Variants in MLLT10 observed in about 807,000 individuals in gnomAD.
MLLT10 encodes MLLT10 histone lysine methyltransferase DOT1L cofactor.
A neutral mutation model predicts 129.1 loss-of-function variants in MLLT10; 30 were observed. The ratio of observed to expected loss-of-function variants is 0.23; its 90% CI spans 0.17 to 0.32. The LOEUF is 0.32. Among genes scored for constraint, MLLT10 ranks in the 10% least tolerant of loss-of-function variants. The pLI, the probability that MLLT10 is intolerant of heterozygous loss-of-function variation, is 1.00. For missense variants in MLLT10, 1,119 were observed against 1,268.3 expected (o/e 0.88, Z 1.79); for synonymous variants, 490 against 446.4 (o/e 1.10, Z -1.23).
intron 8 of MLLT10, chr10:21,625,504 C>T (rs2046344657): frequency 4.2e-6 from 4 of 962,594 alleles, no homozygotes; most frequent in Non-Finnish European, 6.8e-6. Flanking sequence ...AACTACATTT[C>T]CCCATACTTT....
rs2045061377 is a variant in MLLT10 at position 21,614,774 on chromosome 10, A to G, written c.510-57A>G. The stretch of plus-strand genomic sequence containing the variant: ...TTGGAAGTAAATTTTATTTGCTTAT[A>G]TATACAGGTACTGTGATTTTAGTAT... On this transcript the variant is annotated intron_variant, in intron 6 of 22. Coordinates refer to ENST00000307729, the MANE Select transcript of MLLT10 (RefSeq NM_001195626.3). 3.0e-6 allele frequency: 4 copies of G among 1,348,626 alleles called. No individual in the cohort carries two copies. The East Asian group carries it at 9.3e-5, about 31-fold the overall frequency. The allele number at this position is 1,348,626 out of a possible 1,614,324, so 83.5% of individuals were successfully genotyped here.
rs368966425 is a variant in MLLT10 at position 21,634,096 on chromosome 10, C to T, written c.699+16889C>T. Among the ~76,000 whole-genome samples, 27 of 152,110 alleles carry T rather than the reference C, an allele frequency of 1.8e-4. 1 individual carries two copies. In the East Asian group the frequency reaches 2.3e-3, roughly 13 times the overall value. On this transcript the variant is annotated intron_variant, in intron 8 of 22. Coordinates refer to ENST00000307729, the MANE Select transcript of MLLT10 (RefSeq NM_001195626.3). ...CACTACTAAAAATACAAAAACTAGCCGAGTGACGTGGCTCGTGCCTGTAAT... is the reference window on the plus strand; with the variant it reads ...CACTACTAAAAATACAAAAACTAGCTGAGTGACGTGGCTCGTGCCTGTAAT...
At chr10:21,703,116 A>T (rs1162844143) in intron 13 of MLLT10, among the ~76,000 whole-genome samples, 1 of 151,838 alleles carries the variant, frequency 6.6e-6, no homozygotes, top group South Asian at 2.1e-4. Flanking sequence ...GTATGTTTTC[A>T]TGGTGGCAAA....
intron 9 of MLLT10, 135 bp downstream of exon 9, chr10:21,651,903 CTTTTTTT>C (rs775460288): frequency 3.7e-4 from 49 of 133,738 alleles, no homozygotes; most frequent in Middle Eastern, 3.3e-3. Flanking sequence ...ATTCTCATTT[CTTTTTTT>C]TTTTTTTTTT....
intron 8 of MLLT10, among the ~76,000 whole-genome samples, chr10:21,636,525 A>AT (rs2047477041): frequency 6.7e-6 from 1 of 150,356 alleles, no homozygotes; most frequent in South Asian, 2.1e-4. Flanking sequence ...GCTGATCTAT[A>AT]TTTTTTATGT....
At chr10:21,727,957 G>A in intron 16 of MLLT10, 29 bp downstream of exon 16, 1 of 1,600,230 alleles carries the variant, frequency 6.2e-7, no homozygotes, top group Non-Finnish European at 8.6e-7. Context: ...GCAAAGTATA[G>A]GCAAAGGAAA....
intron 13 of MLLT10, among the ~76,000 whole-genome samples, chr10:21,702,399 G>A (rs2055016383): frequency 1.3e-5 from 2 of 152,130 alleles, no homozygotes; most frequent in African/African-American, 4.8e-5. Context: ...GCTGATGAGA[G>A]CAGTTGTTGG....
chr10:21,540,605 G>A (rs2034978192), intron 3 of MLLT10, among the ~76,000 whole-genome samples: 1 of 151,992 alleles, frequency 6.6e-6, no homozygotes, highest in South Asian at 2.1e-4. Context: ...TTCCCATTTG[G>A]ATTTCTGAAA....
At chr10:21,549,074 GT>G (rs967910369) in intron 3 of MLLT10, among the ~76,000 whole-genome samples, 85 of 147,622 alleles carry the variant, frequency 5.8e-4, no homozygotes, top group African/African-American at 2.1e-3. Context: ...TAAGAATTGT[GT>G]TTGGCCGACC....
At chr10:21,703,466 G>T (rs534463318) in intron 13 of MLLT10, among the ~76,000 whole-genome samples, 5 of 152,012 alleles carry the variant, frequency 3.3e-5, no homozygotes, top group Non-Finnish European at 2.9e-5. Flanking sequence ...AAAATGTGCC[G>T]TAGAGAAGAC....
intron 8 of MLLT10, among the ~76,000 whole-genome samples, chr10:21,638,137 A>G (rs1160916053): frequency 2.7e-5 from 4 of 150,132 alleles, no homozygotes; most frequent in Admixed American, 1.3e-4. Flanking sequence ...GCACTTATGG[A>G]TGGGTAAAGA....
At chr10:21,542,108 A>G (rs1293278578) in intron 3 of MLLT10, among the ~76,000 whole-genome samples, 1 of 152,182 alleles carries the variant, frequency 6.6e-6, no homozygotes, top group East Asian at 1.9e-4. Context: ...TGAAGGCTGG[A>G]AAAGATAGGA....
intron 8 of MLLT10, among the ~76,000 whole-genome samples, chr10:21,631,753 G>A (rs1257798680): frequency 2.0e-5 from 3 of 152,184 alleles, no homozygotes; most frequent in Middle Eastern, 3.4e-3. Flanking sequence ...CAGCAAGGGG[G>A]AAGTCTGCCC....
At position 21,673,720 on chromosome 10, in the gene MLLT10, T is replaced by G; in HGVS notation, c.1422T>G (p.Ser474Arg). The G allele has an allele frequency of 6.2e-7, 1 of 1,614,076 alleles. No individual in the cohort carries two copies. Among genetic ancestry groups the G allele is most frequent in the African/African-American group, 1.3e-5 (1 of 75,022 alleles). Residue 474 changes from serine to arginine, a missense_variant, in exon 11 of 23, where the codon AGT becomes AGG. Physicochemically the swap from Ser to Arg is moderately radical, Grantham distance 110. Coordinates refer to ENST00000307729, the MANE Select transcript of MLLT10 (RefSeq NM_001195626.3). ...KEKKRKGNKQ[S>R]KHGPGRPKGN... ...AGAAAAGGAAAGGAAATAAACAAAGTAAGCATGGGCCTGGCAGACCCAAAG... is the reference window on the plus strand; with the variant it reads ...AGAAAAGGAAAGGAAATAAACAAAGGAAGCATGGGCCTGGCAGACCCAAAG...
At chr10:21,630,819 C>G (rs1372426848) in intron 8 of MLLT10, among the ~76,000 whole-genome samples, 1 of 152,118 alleles carries the variant, frequency 6.6e-6, no homozygotes, top group Non-Finnish European at 1.5e-5. Flanking sequence ...GTTTTTGACA[C>G]CAAGATGTGG....
chr10:21,686,052 A>T (rs1369284118), intron 13 of MLLT10, among the ~76,000 whole-genome samples: 2 of 152,160 alleles, frequency 1.3e-5, no homozygotes, highest in Non-Finnish European at 2.9e-5. Context: ...ATAAAACTGA[A>T]CTATAATCTT....
intron 3 of MLLT10, among the ~76,000 whole-genome samples, chr10:21,572,888 G>T (rs2040360381): frequency 6.6e-6 from 1 of 151,998 alleles, no homozygotes; most frequent in Non-Finnish European, 1.5e-5. Flanking sequence ...TGGGATTACA[G>T]GCATGAGTCA....
intron 3 of MLLT10, among the ~76,000 whole-genome samples, chr10:21,543,041 A>G (rs1212562545): frequency 1.3e-5 from 2 of 150,788 alleles, no homozygotes; most frequent in Non-Finnish European, 3.0e-5. Flanking sequence ...TCACTGCAGC[A>G]TCCGCCTCCC....
rs761925280 is a variant in MLLT10, at chr10:21,731,093, G to GGGCAGATGGACAAACA, written c.2218+50_2218+65dup. On this transcript the variant is annotated intron_variant, in intron 17 of 22. Transcript: ENST00000307729. ...TTCTTATATGTGAATCAAGACAGAT[G>GGGCAGATGGACAAACA]GGCAGATGGACAAACAGGCAGATGG... The GGGCAGATGGACAAACA allele has an allele frequency of 1.3e-6, 2 of 1,560,096 alleles. 1 individual carries two copies. Among genetic ancestry groups the GGGCAGATGGACAAACA allele is most frequent in the South Asian group, 2.4e-5 (2 of 82,316 alleles).
Sources: gnomAD v4.1 joint callset for allele counts (sites outside exome capture counted in the v4.1 genomes callset) on GRCh38, gnomAD v4.1.1 for gene constraint, MANE v1.5 for transcripts, NCBI Gene and HGNC (gene_info 2026-07-23, HGNC 2026-07-21) for gene names.